The following TCF7L1 variants were observed in gnomAD, a reference collection of about 807,000 sequenced individuals.
TCF7L1 encodes transcription factor 7 like 1.
A neutral mutation model predicts 63.7 loss-of-function variants in TCF7L1; 18 were observed. The ratio of observed to expected loss-of-function variants is 0.28; its 90% CI spans 0.20 to 0.42. TCF7L1 has a LOEUF of 0.42. Among genes scored for constraint, TCF7L1 ranks in the 10% least tolerant of loss-of-function variants. The pLI is 1.00. For missense variants in TCF7L1, 654 were observed against 779.3 expected, an observed-to-expected ratio of 0.84 and a Z score of 1.91; for synonymous variants, 355 against 340.9, an observed-to-expected ratio of 1.04 and a Z score of -0.46.
Position 85,183,747 on chromosome 2 carries a change from G to A in TCF7L1, c.441+49297G>A, listed in dbSNP as rs7602814. ...AAAGCAACCCAAATAAAGTAAGTGAGGACTTAGTGCAGACTGCAAGTGTAT... is the reference window on the plus strand; with the variant it reads ...AAAGCAACCCAAATAAAGTAAGTGAAGACTTAGTGCAGACTGCAAGTGTAT... On this transcript the variant is annotated intron_variant, in intron 3 of 11. Coordinates refer to ENST00000282111, the MANE Select transcript of TCF7L1 (RefSeq NM_031283.3). Among the ~76,000 whole-genome samples the A allele has an allele frequency of 3.8e-3, 574 of 152,284 alleles. 22 individuals carry two copies. The East Asian group carries it at 0.089, about 24-fold the overall frequency.
intron 4 of TCF7L1, among the ~76,000 whole-genome samples, chr2:85,289,221 A>AGTGTGTGTGTGTGTGTGTGTGTGT (rs10701623): frequency 6.8e-6 from 1 of 146,422 alleles, no homozygotes; most frequent in Non-Finnish European, 1.5e-5. Context: ...TTCAGTCTGG[A>AGTGTGTGTGTGTGTGTGTGTGTGT]GTGTGTGTGT....
At chr2:85,226,257 C>G (rs952030858) in intron 3 of TCF7L1, among the ~76,000 whole-genome samples, 2 of 152,110 alleles carry the variant, frequency 1.3e-5, no homozygotes, top group African/African-American at 4.8e-5. Context: ...TGTGTCTCTG[C>G]CAGGCTTTGG....
At chr2:85,143,955 CG>C (rs1558614687) in intron 3 of TCF7L1, among the ~76,000 whole-genome samples, 1 of 152,162 alleles carries the variant, frequency 6.6e-6, no homozygotes, top group Admixed American at 6.5e-5. Flanking sequence ...GAACTTCATC[CG>C]AGGAAAAGGT....
At chr2:85,209,775 C>T (rs936478286) in intron 3 of TCF7L1, among the ~76,000 whole-genome samples, 3 of 152,110 alleles carry the variant, frequency 2.0e-5, no homozygotes, top group African/African-American at 7.2e-5. Flanking sequence ...GCACAGAAAC[C>T]CACCGAGGCA....
intron 3 of TCF7L1, among the ~76,000 whole-genome samples, chr2:85,233,276 C>G (rs938540482): frequency 6.6e-6 from 1 of 151,500 alleles, no homozygotes; most frequent in South Asian, 2.1e-4. Context: ...AGAGTCAGCA[C>G]ACTTTCTTTT....
At position 85,189,684 on chromosome 2, in the gene TCF7L1, TC is replaced by T. The variant is rs141618857; in HGVS notation, c.441+55237del. Among the ~76,000 whole-genome samples, 1,078 of 152,308 alleles carry T rather than the reference TC, an allele frequency of 7.1e-3. 10 individuals carry two copies. Among genetic ancestry groups the T allele is most frequent in the African/African-American group, 0.025 (1,024 of 41,574 alleles). On this transcript the variant is annotated intron_variant, in intron 3 of 11. Coordinates refer to ENST00000282111, the MANE Select transcript of TCF7L1 (RefSeq NM_031283.3). ...TGGGCAAACCCCGGGGCTGGAGCCC[TC>T]CCAGCTGCCCAGTGGCTTTTGTGTG...
At chr2:85,248,383 A>G (rs1372382287) in intron 3 of TCF7L1, among the ~76,000 whole-genome samples, 1 of 152,150 alleles carries the variant, frequency 6.6e-6, no homozygotes, top group South Asian at 2.1e-4. Context: ...TTCTAACACA[A>G]TTCCACATAG....
intron 3 of TCF7L1, among the ~76,000 whole-genome samples, chr2:85,173,259 C>G (rs1678595675): frequency 6.6e-6 from 1 of 151,856 alleles, no homozygotes; most frequent in Admixed American, 6.6e-5. Context: ...AGCATTGGCA[C>G]AAGCACAGAC....
intron 3 of TCF7L1, among the ~76,000 whole-genome samples, chr2:85,185,164 G>C (rs1023703844): frequency 2.0e-5 from 3 of 152,166 alleles, no homozygotes; most frequent in African/African-American, 7.2e-5. Context: ...CTTCAGGAGA[G>C]TGTGCCCTAG....
At chr2:85,299,635 G>C (rs2104384972) in intron 4 of TCF7L1, among the ~76,000 whole-genome samples, 1 of 152,086 alleles carries the variant, frequency 6.6e-6, no homozygotes, top group Middle Eastern at 3.4e-3. Flanking sequence ...AGGAGACCAA[G>C]GTGGATGGAT....
intron 3 of TCF7L1, among the ~76,000 whole-genome samples, chr2:85,220,621 C>A (rs1679820140): frequency 6.6e-6 from 1 of 152,130 alleles, no homozygotes; most frequent in Non-Finnish European, 1.5e-5. Flanking sequence ...ACCTCAGCCT[C>A]CCAAAGTGCT....
In TCF7L1 at chr2:85,259,999, C is replaced by T. The variant is rs78294179; in HGVS notation, c.442-23496C>T. 7.7e-3 allele frequency among the ~76,000 whole-genome samples: 1,178 copies of T among 152,236 alleles called. 63 individuals are homozygous for T. The East Asian group carries it at 0.15, about 19-fold the overall frequency. ...TCCCAAGAGGCCCCCAGCAGCCTCC[C>T]CCACAACTGACCTTTCACAGTTGGC... On this transcript the variant is annotated intron_variant, in intron 3 of 11. Transcript: ENST00000282111.
intron 3 of TCF7L1, among the ~76,000 whole-genome samples, chr2:85,151,888 T>G (rs1029167847): frequency 6.6e-6 from 1 of 152,246 alleles, no homozygotes; most frequent in Non-Finnish European, 1.5e-5. Context: ...TTTTAGATCA[T>G]ATGGGGAAAG....
In TCF7L1 at chr2:85,134,094, G is replaced by A. The variant is rs1011272081; in HGVS notation, c.313+15G>A. 1.2e-6 allele frequency: 2 copies of A among 1,608,346 alleles called. No individual in the cohort carries two copies. The highest frequency in any genetic ancestry group is 1.3e-5 in the African/African-American group (1 of 74,472). ...TTTCGCCGAAGGTATGTGCCCGCTG[G>A]GACAGCCCCCCACTCTCGATTCCCG... On this transcript the variant is annotated intron_variant, in intron 2 of 11. Transcript: ENST00000282111. The surrounding 1 kb of genome is among the most constrained non-coding windows in gnomAD (Gnocchi z 5.0).
At chr2:85,216,807 G>A (rs531022860) in intron 3 of TCF7L1, among the ~76,000 whole-genome samples, 33 of 152,222 alleles carry the variant, frequency 2.2e-4, no homozygotes, top group African/African-American at 7.0e-4. Flanking sequence ...TGCAGTGAGC[G>A]CCAACAAAGT....
chr2:85,248,185 T>G (rs1465443918), intron 3 of TCF7L1, among the ~76,000 whole-genome samples: 1 of 152,184 alleles, frequency 6.6e-6, no homozygotes, highest in African/African-American at 2.4e-5. Flanking sequence ...ACTGCCCCCC[T>G]GCAATATGAA....
chr2:85,271,426 T>C (rs935192304), intron 3 of TCF7L1, among the ~76,000 whole-genome samples: 9 of 152,244 alleles, frequency 5.9e-5, no homozygotes, highest in Non-Finnish European at 1.2e-4. Context: ...TCCCATTTTT[T>C]AAATGAACAT....
intron 4 of TCF7L1, 115 bp downstream of exon 4, chr2:85,283,693 G>T: frequency 8.7e-7 from 1 of 1,146,378 alleles, no homozygotes; most frequent in Non-Finnish European, 1.3e-6. Flanking sequence ...TTCCTCAAAT[G>T]TGTGAGTACA....
chr2:85,261,122 T>TGG (rs201643164), intron 3 of TCF7L1, among the ~76,000 whole-genome samples: 2,962 of 95,834 alleles, frequency 0.031, 40 homozygotes, highest in Middle Eastern at 0.04. Flanking sequence ...CAATTATTGC[T>TGG]GGTGTGTGTG....
Sources: gnomAD v4.1 joint callset for allele counts (sites outside exome capture counted in the v4.1 genomes callset) on GRCh38, gnomAD v4.1.1 for gene constraint, Gnocchi (gnomAD v3.1) non-coding constraint, MANE v1.5 for transcripts, NCBI Gene and HGNC (gene_info 2026-07-23, HGNC 2026-07-21) for gene names.